FAM117B: variants seen among roughly 807,000 people sequenced by gnomAD.
FAM117B encodes the protein family with sequence similarity 117 member B, also known as protein FAM117B.
FAM117B carries 22 observed loss-of-function variants against 52.8 expected under a neutral mutation model. The observed-to-expected ratio is 0.42, with a 90% CI of 0.30 to 0.59. The LOEUF (loss-of-function observed/expected upper bound fraction) is 0.59. Ranked by LOEUF, FAM117B falls within the 20% of genes least tolerant of loss-of-function variation. The pLI, the probability that FAM117B is intolerant of heterozygous loss-of-function variation, is 0.22. For synonymous variants in FAM117B, 309 were observed against 324.1 expected (o/e 0.95, Z 0.50); for missense variants, 678 against 802.6 (o/e 0.84, Z 1.88).
Position 202,652,766 on chromosome 2 carries a change from T to G in FAM117B, c.601+16978T>G, listed in dbSNP as rs987673080. 2.6e-5 allele frequency among the ~76,000 whole-genome samples: 4 copies of G among 152,158 alleles called. No homozygotes were observed. In the South Asian group the frequency reaches 6.2e-4, roughly 24 times the overall value. ...AATTAATTTAATGTCATGGGAATGC[T>G]CCTGTTCTACTTCAGGGATGTTATA... On this transcript the variant is annotated intron_variant, in intron 1 of 7. Coordinates refer to ENST00000392238, the MANE Select transcript of FAM117B (RefSeq NM_173511.4).
chr2:202,707,996 C>CG, intron 2 of FAM117B, among the ~76,000 whole-genome samples: 1 of 152,170 alleles, frequency 6.6e-6, no homozygotes, highest in Middle Eastern at 3.4e-3. Flanking sequence ...TCTCGAACTC[C>CG]TGACCTCAGG....
At chr2:202,764,022 G>A (rs995481737) in intron 7 of FAM117B, among the ~76,000 whole-genome samples, 1 of 152,122 alleles carries the variant, frequency 6.6e-6, no homozygotes, top group Non-Finnish European at 1.5e-5. Context: ...AACCTCTTCT[G>A]TGCTGTGGAC....
intron 1 of FAM117B, among the ~76,000 whole-genome samples, chr2:202,685,607 G>C (rs537249141): frequency 6.6e-6 from 1 of 152,314 alleles, no homozygotes; most frequent in African/African-American, 2.4e-5. Flanking sequence ...CAGAGGTACA[G>C]ATAAATGGAA....
chr2:202,757,234 C>T lies in FAM117B; in HGVS notation c.1126C>T (p.His376Tyr). ...QLIPQDIPDG[H>Y]RAPPPLVQRS... ...ACAGCCGCAAGATATTCCAGATGGC[C>T]ATCGTGCTCCACCCCCCCTTGTACA... The change falls in exon 6 of 8, where the codon CAT becomes TAT. Residue 376 changes from histidine (H) to tyrosine (Y), a missense_variant. This residue lies in a region of FAM117B where 583 missense variants were observed against 644.8 expected (regional missense o/e 0.90). Coordinates refer to ENST00000392238, the MANE Select transcript of FAM117B (RefSeq NM_173511.4). 1.2e-6 allele frequency: 2 copies of T among 1,613,952 alleles called. No individual in the cohort carries two copies. Among genetic ancestry groups the T allele is most frequent in the Non-Finnish European group, 8.5e-7 (1 of 1,179,978 alleles).
intron 1 of FAM117B, among the ~76,000 whole-genome samples, chr2:202,647,891 T>A (rs1418148822): frequency 6.6e-6 from 1 of 152,222 alleles, no homozygotes; most frequent in Admixed American, 6.5e-5. Context: ...AAATTAGTGC[T>A]AGTTTAACCC....
At chr2:202,765,072 T>C (rs1173873870) in intron 7 of FAM117B, among the ~76,000 whole-genome samples, 1 of 152,158 alleles carries the variant, frequency 6.6e-6, no homozygotes, top group African/African-American at 2.4e-5. Flanking sequence ...AAGGCATACA[T>C]GTCTTTAAAC....
At chr2:202,720,795 A>G (rs534903670) in intron 2 of FAM117B, among the ~76,000 whole-genome samples, 1 of 152,290 alleles carries the variant, frequency 6.6e-6, no homozygotes, top group Admixed American at 6.5e-5. Context: ...AAGAAAATAA[A>G]CTGTTTGGTT....
At chr2:202,681,498 T>C (rs1464519930) in intron 1 of FAM117B, among the ~76,000 whole-genome samples, 1 of 152,150 alleles carries the variant, frequency 6.6e-6, no homozygotes, top group Non-Finnish European at 1.5e-5. Context: ...AATATAGTGA[T>C]TACTGTTTAA....
chr2:202,723,550 A>C (rs1294617137), intron 2 of FAM117B, among the ~76,000 whole-genome samples: 1 of 152,192 alleles, frequency 6.6e-6, no homozygotes, highest in Non-Finnish European at 1.5e-5. Flanking sequence ...TTTTTCACTT[A>C]ACAGTATATC....
intron 5 of FAM117B, among the ~76,000 whole-genome samples, chr2:202,756,338 C>T (rs183471822): frequency 2.7e-4 from 41 of 151,478 alleles, no homozygotes; most frequent in Admixed American, 2.0e-3. Context: ...CGCTTGAACC[C>T]GGGAGGTGAA....
Position 202,635,228 on chromosome 2 carries a change from C to T in FAM117B, c.41C>T (p.Ala14Val). 3 of 1,308,230 alleles carry T rather than the reference C, an allele frequency of 2.3e-6. No homozygotes were observed. The highest frequency in any genetic ancestry group is 2.9e-6 in the Non-Finnish European group (3 of 1,027,216). 81.0% of individuals were successfully genotyped at this position (1,308,230 alleles called of 1,614,324 possible). Reference protein sequence around the residue: ...RVRRNGSPTPAGSLGGGAVAT... With the variant: ...RVRRNGSPTPVGSLGGGAVAT... ...AGGCGCAATGGGTCCCCCACGCCGG[C>T]CGGCTCCCTTGGGGGTGGTGCGGTG... The change falls in exon 1 of 8, where the codon GCC becomes GTC. Residue 14 changes from alanine (A) to valine (V), a missense_variant. Ala to Val is a moderately conservative substitution (Grantham distance 64). Transcript: ENST00000392238.
At chr2:202,662,069 T>C (rs1362497985) in intron 1 of FAM117B, among the ~76,000 whole-genome samples, 1 of 152,056 alleles carries the variant, frequency 6.6e-6, no homozygotes, top group African/African-American at 2.4e-5. Flanking sequence ...AGATAAGGAA[T>C]TAACCTAAAT....
intron 2 of FAM117B, among the ~76,000 whole-genome samples, chr2:202,713,689 T>C (rs2105782946): frequency 6.6e-6 from 1 of 152,268 alleles, no homozygotes; most frequent in African/African-American, 2.4e-5. Flanking sequence ...CTGTATCCCA[T>C]AGATTTTGGT....
At chr2:202,683,281 A>G (rs921765936) in intron 1 of FAM117B, among the ~76,000 whole-genome samples, 2 of 151,880 alleles carry the variant, frequency 1.3e-5, no homozygotes, top group South Asian at 2.1e-4. Context: ...GTCAGCCGAG[A>G]TCACACCACT....
chr2:202,649,461 C>G (rs1210010722), intron 1 of FAM117B, among the ~76,000 whole-genome samples: 2 of 152,188 alleles, frequency 1.3e-5, no homozygotes, highest in African/African-American at 4.8e-5. Flanking sequence ...CCCACCCATC[C>G]TTTGTGATAT....
rs577258762 is a variant in FAM117B at position 202,645,235 on chromosome 2, C to T, written c.601+9447C>T. 8.6e-5 allele frequency among the ~76,000 whole-genome samples: 13 copies of T among 152,018 alleles called. No homozygotes were observed. In the East Asian group the frequency reaches 2.5e-3, roughly 29 times the overall value. On this transcript the variant is annotated intron_variant, in intron 1 of 7. Transcript: ENST00000392238. ...TAAGTGATGCTTTTGCCTTGGCCTC[C>T]CAAAGTGCTGGGATTACTCACGCCT...
intron 1 of FAM117B, among the ~76,000 whole-genome samples, chr2:202,640,295 A>AAAATATATATAT (rs1689749719): frequency 1.9e-5 from 1 of 51,312 alleles, no homozygotes; most frequent in Admixed American, 2.6e-4. Flanking sequence ...ACCACCACAA[A>AAAATATATATAT]ATATATATAT....
chr2:202,675,104 G>A (rs1006895216), intron 1 of FAM117B, among the ~76,000 whole-genome samples: 7 of 151,822 alleles, frequency 4.6e-5, no homozygotes, highest in Admixed American at 1.3e-4. Context: ...GCATGGTGGC[G>A]CATGCCTGTA....
Position 202,635,155 on chromosome 2 carries a change from C to A in FAM117B, c.-33C>A, listed in dbSNP as rs1023933154. Reference sequence around the variant, plus strand: ...GCAGCCCAACAACAACAAAACCCCCCGTCTCGCCCAGTCACCGGGGAGGGG... The same window carrying A: ...GCAGCCCAACAACAACAAAACCCCCAGTCTCGCCCAGTCACCGGGGAGGGG... On this transcript the variant is annotated 5_prime_UTR_variant, in exon 1 of 8. Coordinates refer to ENST00000392238, the MANE Select transcript of FAM117B (RefSeq NM_173511.4). 31 of 1,258,382 alleles carry A rather than the reference C, an allele frequency of 2.5e-5. No homozygotes were observed. The South Asian group carries it at 5.8e-4, about 24-fold the overall frequency. The allele number at this position is 1,258,382 out of a possible 1,614,324, so 78.0% of individuals were successfully genotyped here.
Sources: allele counts gnomAD v4.1 joint callset (sites outside exome capture counted in the v4.1 genomes callset), GRCh38; gene constraint gnomAD v4.1.1; regional missense constraint gnomAD v4.1.1; transcripts MANE v1.5; gene names NCBI Gene and HGNC (gene_info 2026-07-23, HGNC 2026-07-21).